Variants in ASTN1 observed in about 807,000 individuals in gnomAD.
ASTN1 encodes the protein astrotactin 1.
Under a neutral mutation model 140.7 loss-of-function variants are expected in ASTN1, and 41 were observed. The observed-to-expected ratio is 0.29, with a 90% CI of 0.23 to 0.38. The LOEUF (loss-of-function observed/expected upper bound fraction) is 0.38. Among genes scored for constraint, ASTN1 ranks in the 10% least tolerant of loss-of-function variants. The pLI is 1.00. For synonymous variants in ASTN1, 640 were observed against 652.2 expected (o/e 0.98, Z 0.29); for missense variants, 1,479 against 1,678.8 (o/e 0.88, Z 2.08).
At chr1:177,151,006 C>T (rs771136735) in intron 1 of ASTN1, among the ~76,000 whole-genome samples, 36 of 151,944 alleles carry the variant, frequency 2.4e-4, no homozygotes, top group African/African-American at 8.0e-4. Flanking sequence ...GTTAATAATG[C>T]GTTCTTGTGT....
intron 17 of ASTN1, among the ~76,000 whole-genome samples, chr1:176,889,487 A>G (rs894114730): frequency 2.6e-5 from 4 of 152,246 alleles, no homozygotes; most frequent in South Asian, 2.1e-4. Context: ...AAGAAAAAAG[A>G]AAAGAAAAAG....
intron 2 of ASTN1, among the ~76,000 whole-genome samples, chr1:177,039,544 C>T (rs778205096): frequency 8.5e-5 from 13 of 152,178 alleles, no homozygotes; most frequent in Admixed American, 1.3e-4. Flanking sequence ...AGTTGGATAA[C>T]TTCTCAAGGT....
chr1:177,044,891 T>A (rs1677146409), intron 2 of ASTN1, among the ~76,000 whole-genome samples: 1 of 152,180 alleles, frequency 6.6e-6, no homozygotes, highest in South Asian at 2.1e-4. Flanking sequence ...TTGTGATTTA[T>A]TTTTTCTATT....
intron 1 of ASTN1, among the ~76,000 whole-genome samples, chr1:177,097,822 C>T (rs892590767): frequency 3.9e-5 from 6 of 152,072 alleles, no homozygotes; most frequent in East Asian, 1.9e-4. Flanking sequence ...ATAATTTAAT[C>T]GATTACGCCT....
intron 16 of ASTN1, among the ~76,000 whole-genome samples, chr1:176,929,237 G>A (rs1340568479): frequency 6.6e-6 from 1 of 152,204 alleles, no homozygotes; most frequent in Non-Finnish European, 1.5e-5. Context: ...GCTTGCAAAT[G>A]TGATTGAATT....
At chr1:176,934,370 A>T (rs1345834193) in intron 15 of ASTN1, 30 bp from the exon 16 acceptor site, 2 of 1,565,464 alleles carry the variant, frequency 1.3e-6, no homozygotes. Context: ...AAGGGTAAGA[A>T]TGAGGGCTCA....
chr1:177,118,657 C>T (rs191322986), intron 1 of ASTN1, among the ~76,000 whole-genome samples: 193 of 152,260 alleles, frequency 1.3e-3, no homozygotes, highest in Non-Finnish European at 1.8e-3. Context: ...TCTTTCCAAA[C>T]GTTTAATTTC....
intron 11 of ASTN1, among the ~76,000 whole-genome samples, chr1:176,956,390 C>T (rs1672402028): frequency 6.6e-6 from 1 of 152,174 alleles, no homozygotes; most frequent in South Asian, 2.1e-4. Context: ...ACATATCCGT[C>T]TTTGATTGAG....
chr1:176,864,647 T>G, intron 22 of ASTN1, 126 bp from the exon 23 acceptor site: 1 of 1,373,486 alleles, frequency 7.3e-7, no homozygotes, highest in East Asian at 2.4e-5. Flanking sequence ...CTCCCTATTT[T>G]ATCTTTGGCA....
At chr1:177,100,859 G>A (rs1291958475) in intron 1 of ASTN1, among the ~76,000 whole-genome samples, 3 of 152,132 alleles carry the variant, frequency 2.0e-5, no homozygotes, top group Non-Finnish European at 4.4e-5. Context: ...TTGGGAGGCC[G>A]AAGTGGGCAG....
chr1:177,007,445 T>C (rs1332127340), intron 8 of ASTN1, among the ~76,000 whole-genome samples: 1 of 152,178 alleles, frequency 6.6e-6, no homozygotes, highest in Non-Finnish European at 1.5e-5. Flanking sequence ...CAGCCACTTG[T>C]CTACAAGCTC....
chr1:176,964,266 T>A (rs1376769610), intron 9 of ASTN1, among the ~76,000 whole-genome samples: 1 of 152,196 alleles, frequency 6.6e-6, no homozygotes, highest in African/African-American at 2.4e-5. Flanking sequence ...TGCTCACCAT[T>A]TGTCCAGAAA....
intron 8 of ASTN1, among the ~76,000 whole-genome samples, chr1:176,979,432 T>G (rs564366284): frequency 6.6e-6 from 1 of 152,336 alleles, no homozygotes; most frequent in South Asian, 2.1e-4. Context: ...CTTTCTCATC[T>G]TTCAGTGTCA....
chr1:177,069,117 A>G (rs984520708), intron 1 of ASTN1, among the ~76,000 whole-genome samples: 2 of 152,248 alleles, frequency 1.3e-5, no homozygotes, highest in African/African-American at 2.4e-5. Context: ...CAGCCTATCA[A>G]TTTATAAGGT....
chr1:177,136,789 A>G (rs1682225248), intron 1 of ASTN1, among the ~76,000 whole-genome samples: 1 of 152,180 alleles, frequency 6.6e-6, no homozygotes, highest in Non-Finnish European at 1.5e-5. Flanking sequence ...ATAATAAGCA[A>G]TGTCTTTTCT....
At chr1:177,000,204 T>C (rs1452238227) in intron 8 of ASTN1, among the ~76,000 whole-genome samples, 1 of 152,332 alleles carries the variant, frequency 6.6e-6, no homozygotes, top group South Asian at 2.1e-4. Flanking sequence ...GCAGGAAAGA[T>C]CTTTAATTGA....
At chr1:177,025,879 T>C (rs1312145090) in intron 5 of ASTN1, among the ~76,000 whole-genome samples, 1 of 152,056 alleles carries the variant, frequency 6.6e-6, no homozygotes, top group Non-Finnish European at 1.5e-5. Flanking sequence ...TTGACTAGTG[T>C]CCCCAGTCTT....
chr1:177,068,133 T>C (rs1485570411), intron 1 of ASTN1, among the ~76,000 whole-genome samples: 4 of 152,198 alleles, frequency 2.6e-5, no homozygotes, highest in Non-Finnish European at 4.4e-5. Context: ...GCCAGGAAAC[T>C]CTTTTGCGAA....
intron 16 of ASTN1, among the ~76,000 whole-genome samples, chr1:176,906,593 C>T (rs1670011779): frequency 6.6e-6 from 1 of 151,990 alleles, no homozygotes; most frequent in East Asian, 1.9e-4. Flanking sequence ...GTGGTTCATG[C>T]CTGTAATCCT....
Sources: allele counts gnomAD v4.1 joint callset (sites outside exome capture counted in the v4.1 genomes callset), GRCh38; gene constraint gnomAD v4.1.1; transcripts MANE v1.5; gene names NCBI Gene and HGNC (gene_info 2026-07-23, HGNC 2026-07-21).